The following RPS6KA2 variants were observed in gnomAD, a reference collection of about 807,000 sequenced individuals.
The protein encoded by RPS6KA2 is ribosomal protein S6 kinase alpha-2.
In RPS6KA2, 42 loss-of-function variants were observed where a neutral mutation model predicts 91.8. The ratio of observed to expected loss-of-function variants is 0.46; its 90% CI spans 0.36 to 0.59. The LOEUF (loss-of-function observed/expected upper bound fraction) is 0.59. RPS6KA2 is among the 20% of genes least tolerant of loss of function. The pLI, the probability that RPS6KA2 is intolerant of heterozygous loss-of-function variation, is 0.00. For missense variants in RPS6KA2, 798 were observed against 978.5 expected (o/e 0.82, Z 2.46); for synonymous variants, 414 against 393.6 (o/e 1.05, Z -0.61).
intron 1 of RPS6KA2, among the ~76,000 whole-genome samples, chr6:166,619,114 T>C (rs1372563069): frequency 6.6e-6 from 1 of 152,214 alleles, no homozygotes; most frequent in Non-Finnish European, 1.5e-5. Context: ...GCAAAGTTTT[T>C]TCACTTCTTT....
intron 3 of RPS6KA2, among the ~76,000 whole-genome samples, chr6:166,515,139 T>C (rs535052775): frequency 6.6e-6 from 1 of 152,216 alleles, no homozygotes; most frequent in South Asian, 2.1e-4. Context: ...GGATGCACCA[T>C]GATGTGGTCC....
At chr6:166,429,298 A>C (rs914176190) in intron 16 of RPS6KA2, among the ~76,000 whole-genome samples, 3 of 51,720 alleles carry the variant, frequency 5.8e-5, no homozygotes, top group African/African-American at 2.3e-4. Flanking sequence ...GGGTGGGGGG[A>C]GGGGGGGAGG....
At chr6:166,625,429 C>A (rs1344115923) in intron 1 of RPS6KA2, among the ~76,000 whole-genome samples, 2 of 149,222 alleles carry the variant, frequency 1.3e-5, no homozygotes, top group African/African-American at 5.0e-5. Context: ...GCGTGTGTAT[C>A]CAGAATCAGG....
At chr6:166,615,300 C>T (rs1026227388) in intron 1 of RPS6KA2, among the ~76,000 whole-genome samples, 1 of 152,238 alleles carries the variant, frequency 6.6e-6, no homozygotes, top group African/African-American at 2.4e-5. Flanking sequence ...CATCGTGTCT[C>T]ACACTCCCAG....
chr6:166,844,191 G>T (rs763805463), intron 2 of RPS6KA2, among the ~76,000 whole-genome samples: 19 of 152,112 alleles, frequency 1.2e-4, no homozygotes, highest in Non-Finnish European at 2.4e-4. Flanking sequence ...CAAAGACAAG[G>T]CTTTCGAATT....
chr6:166,585,590 G>A (rs1583302333), intron 1 of RPS6KA2, among the ~76,000 whole-genome samples: 4 of 63,304 alleles, frequency 6.3e-5, no homozygotes, highest in Admixed American at 2.3e-4. Context: ...CTCATCTATA[G>A]ATTAAGGAAT....
At chr6:166,736,984 G>A (rs910590691) in intron 2 of RPS6KA2, among the ~76,000 whole-genome samples, 2 of 152,260 alleles carry the variant, frequency 1.3e-5, no homozygotes, top group East Asian at 1.9e-4. Flanking sequence ...AACCGATGCA[G>A]GGGGTGGGGA....
intron 14 of RPS6KA2, among the ~76,000 whole-genome samples, chr6:166,436,706 G>A (rs1779322940): frequency 6.6e-6 from 1 of 152,242 alleles, no homozygotes; most frequent in Non-Finnish European, 1.5e-5. Context: ...CAGCCTCTGA[G>A]GCACAGGGCA....
Position 166,627,241 on chromosome 6 carries a change from C to A in RPS6KA2, c.-222G>T, listed in dbSNP as rs1786924838. 3 of 1,019,476 alleles carry A rather than the reference C, an allele frequency of 2.9e-6. No homozygotes were observed. Among genetic ancestry groups the A allele is most frequent in the African/African-American group, 1.7e-5 (1 of 57,992 alleles). 63.2% of individuals were successfully genotyped at this position (1,019,476 alleles called of 1,614,324 possible). A position where few individuals can be genotyped will look rare whatever the true frequency, so the allele number is the denominator to read the frequency against. ...GCTCCCTCCGCCTCCTTCTCCGCCT[C>A]CCCTGCGAGTACCAGCGCCGGCCAC... On this transcript the variant is annotated 5_prime_UTR_variant, in exon 1 of 21. Coordinates refer to ENST00000265678, the MANE Select transcript of RPS6KA2 (RefSeq NM_021135.6).
intron 1 of RPS6KA2, among the ~76,000 whole-genome samples, chr6:166,547,527 T>A (rs528614084): frequency 6.6e-6 from 1 of 152,326 alleles, no homozygotes; most frequent in East Asian, 1.9e-4. Flanking sequence ...AGCAAAACTG[T>A]TAGGCTGCAG....
At chr6:166,689,116 C>T (rs1412940426) in intron 2 of RPS6KA2, among the ~76,000 whole-genome samples, 1 of 152,248 alleles carries the variant, frequency 6.6e-6, no homozygotes, top group African/African-American at 2.4e-5. Flanking sequence ...GGGCTCTGGC[C>T]GCCCTGTGCC....
intron 2 of RPS6KA2, among the ~76,000 whole-genome samples, chr6:166,691,273 C>T (rs189995426): frequency 6.6e-6 from 1 of 152,160 alleles, no homozygotes; most frequent in Non-Finnish European, 1.5e-5. Flanking sequence ...TCTGTTTTCA[C>T]GGCCCGCATG....
chr6:166,807,166 G>A (rs954685763), intron 2 of RPS6KA2, among the ~76,000 whole-genome samples: 5 of 152,154 alleles, frequency 3.3e-5, no homozygotes, highest in Non-Finnish European at 7.4e-5. Flanking sequence ...CACTTTAAAT[G>A]TAAATGGATT....
Position 166,862,219 on chromosome 6 carries a change from A to G in RPS6KA2, c.-49T>C. On this transcript the variant is annotated 5_prime_UTR_variant, in exon 1 of 22. Transcript: ENST00000503859. ...GTCGAGTATTGATAGTAGGAAAGGA[A>G]ATAAACAGAGGCTCGGACCGGCACA... The G allele has an allele frequency of 3.7e-6, 6 of 1,613,342 alleles. No homozygotes were observed. The South Asian group carries it at 5.5e-5, about 15-fold the overall frequency.
At chr6:166,668,380 C>T (rs947654429) in intron 2 of RPS6KA2, among the ~76,000 whole-genome samples, 2 of 152,184 alleles carry the variant, frequency 1.3e-5, no homozygotes, top group Admixed American at 6.5e-5. Flanking sequence ...TTTTCCATTC[C>T]AAGCCACAAG....
At chr6:166,748,754 C>T (rs866866351) in intron 2 of RPS6KA2, among the ~76,000 whole-genome samples, 1 of 22,694 alleles carries the variant, frequency 4.4e-5, no homozygotes, top group Non-Finnish European at 7.2e-5. Flanking sequence ...GCCCCCATCT[C>T]CTCGGGCCCC....
chr6:166,847,039 T>C (rs4710115), intron 2 of RPS6KA2, among the ~76,000 whole-genome samples: 117,406 of 152,012 alleles, frequency 0.77, 45,773 homozygotes, highest in Non-Finnish European at 0.83. Flanking sequence ...AAAAGCTCCT[T>C]TAACTGGTAA....
At chr6:166,649,014 A>C (rs1984413) in intron 2 of RPS6KA2, among the ~76,000 whole-genome samples, 47,558 of 151,986 alleles carry the variant, frequency 0.31, 7,620 homozygotes, top group East Asian at 0.41. Context: ...ATGTTACCAA[A>C]GCATTATCCC....
At chr6:166,757,175 C>T (rs1277195484) in intron 2 of RPS6KA2, among the ~76,000 whole-genome samples, 2 of 152,176 alleles carry the variant, frequency 1.3e-5, no homozygotes, top group Admixed American at 6.5e-5. Context: ...TAAAAATAAA[C>T]GTCAGCTTTG....
Sources: allele counts gnomAD v4.1 joint callset (sites outside exome capture counted in the v4.1 genomes callset), GRCh38; gene constraint gnomAD v4.1.1; transcripts MANE v1.5; gene names NCBI Gene and HGNC (gene_info 2026-07-23, HGNC 2026-07-21).